KLF15: variants seen among roughly 807,000 people sequenced by gnomAD.
The protein encoded by KLF15 is KLF transcription factor 15.
In KLF15, 4 loss-of-function variants were observed where a neutral mutation model predicts 24.6. That is an observed-to-expected ratio of 0.16 (90% CI 0.08 to 0.37). The LOEUF (loss-of-function observed/expected upper bound fraction) is 0.37, where lower values mean the gene tolerates loss of function less well. Among genes scored for constraint, KLF15 ranks in the 10% least tolerant of loss-of-function variants. KLF15 has a pLI of 1.00. For synonymous variants in KLF15, 246 were observed against 236.3 expected, an observed-to-expected ratio of 1.04 and a Z score of -0.37; for missense variants, 496 against 560.6, an observed-to-expected ratio of 0.88 and a Z score of 1.16.
chr3:126,314,706 C>T, the KLF15 span, among the ~76,000 whole-genome samples: 1 of 152,240 alleles, frequency 6.6e-6, no homozygotes, highest in Non-Finnish European at 1.5e-5. Context: ...TGGGGCAGAA[C>T]AGAGGCGAAG....
At chr3:126,297,006 T>C in the KLF15 span, among the ~76,000 whole-genome samples, 3 of 152,224 alleles carry the variant, frequency 2.0e-5, no homozygotes, top group Non-Finnish European at 4.4e-5. Flanking sequence ...AACTCTGGGC[T>C]GAAGCAATCC....
At chr3:126,330,329 G>T in the KLF15 span, among the ~76,000 whole-genome samples, 1 of 152,204 alleles carries the variant, frequency 6.6e-6, no homozygotes, top group East Asian at 1.9e-4. Flanking sequence ...GAGGTGGGCT[G>T]TCAATTACAC....
chr3:126,337,631 T>TA, the KLF15 span, among the ~76,000 whole-genome samples: 1 of 152,106 alleles, frequency 6.6e-6, no homozygotes, highest in African/African-American at 2.4e-5. Context: ...AAATGTCTTA[T>TA]TAAGTTTCCT....
the KLF15 span, among the ~76,000 whole-genome samples, chr3:126,313,117 A>T: frequency 1.3e-5 from 2 of 152,178 alleles, no homozygotes; most frequent in East Asian, 3.8e-4. Flanking sequence ...GTAGCCCTTA[A>T]TCCAACCTGA....
At chr3:126,355,468 A>C (rs2107560042) in intron 1 of KLF15, among the ~76,000 whole-genome samples, 1 of 152,158 alleles carries the variant, frequency 6.6e-6, no homozygotes, top group East Asian at 2.0e-4. Flanking sequence ...CTCTTCCCCC[A>C]GCACTGCAGG....
At chr3:126,315,064 C>T in the KLF15 span, among the ~76,000 whole-genome samples, 1 of 152,080 alleles carries the variant, frequency 6.6e-6, no homozygotes, top group African/African-American at 2.4e-5. Flanking sequence ...CTGGCTCCTG[C>T]TATTTGCTGC....
At chr3:126,306,535 C>A in the KLF15 span, among the ~76,000 whole-genome samples, 2 of 152,236 alleles carry the variant, frequency 1.3e-5, no homozygotes, top group African/African-American at 4.8e-5. Flanking sequence ...ACCTTGGCCT[C>A]TGACTTTGGC....
the KLF15 span, among the ~76,000 whole-genome samples, chr3:126,308,319 G>A: frequency 6.6e-6 from 1 of 152,190 alleles, no homozygotes; most frequent in African/African-American, 2.4e-5. Flanking sequence ...GACCCAAGAT[G>A]GGGAGGCAGG....
the KLF15 span, among the ~76,000 whole-genome samples, chr3:126,321,590 C>T: frequency 1.3e-5 from 2 of 152,272 alleles, no homozygotes; most frequent in Admixed American, 1.3e-4. Context: ...CCATGCCCCT[C>T]ATGACCTCTG....
downstream of KLF15, among the ~76,000 whole-genome samples, chr3:126,338,219 A>C (rs7641969): frequency 0.69 from 105,428 of 152,090 alleles, 36,954 homozygotes; most frequent in African/African-American, 0.8. Context: ...GGCTTTGCCA[A>C]CCAGCCCAAG....
chr3:126,336,501 G>A, the KLF15 span, among the ~76,000 whole-genome samples: 2 of 71,036 alleles, frequency 2.8e-5, 1 homozygote, highest in Non-Finnish European at 5.3e-5. Flanking sequence ...TTACCATTCA[G>A]AACATAGGCA....
At chr3:126,304,412 C>T in the KLF15 span, among the ~76,000 whole-genome samples, 1 of 152,178 alleles carries the variant, frequency 6.6e-6, no homozygotes, top group Non-Finnish European at 1.5e-5. Context: ...TGAGCTGTAT[C>T]AGCCCCAGGC....
At chr3:126,335,940 A>G in the KLF15 span, among the ~76,000 whole-genome samples, 3 of 149,350 alleles carry the variant, frequency 2.0e-5, no homozygotes, top group Non-Finnish European at 4.4e-5. Flanking sequence ...CAAACAAATG[A>G]AAGAACATTC....
At chr3:126,315,188 A>T in the KLF15 span, among the ~76,000 whole-genome samples, 15 of 151,900 alleles carry the variant, frequency 9.9e-5, no homozygotes, top group African/African-American at 3.1e-4. Flanking sequence ...TTATAAGGAC[A>T]CCAGTCATAT....
At chr3:126,310,984 C>T in the KLF15 span, among the ~76,000 whole-genome samples, 2 of 152,202 alleles carry the variant, frequency 1.3e-5, no homozygotes, top group East Asian at 3.9e-4. Flanking sequence ...CCGCGGCCCA[C>T]TCTGGAGGCT....
At chr3:126,316,007 A>T in the KLF15 span, among the ~76,000 whole-genome samples, 1 of 152,214 alleles carries the variant, frequency 6.6e-6, no homozygotes, top group South Asian at 2.1e-4. Context: ...CGCACTCTAG[A>T]GTCAAATCCC....
At chr3:126,324,634 C>T in the KLF15 span, among the ~76,000 whole-genome samples, 7 of 140,664 alleles carry the variant, frequency 5.0e-5, no homozygotes, top group African/African-American at 1.6e-4. Flanking sequence ...GATAGCCTTT[C>T]GTGATCACTT....
At chr3:126,347,225 G>A (rs147908083) in intron 2 of KLF15, among the ~76,000 whole-genome samples, 1 of 152,234 alleles carries the variant, frequency 6.6e-6, no homozygotes, top group African/African-American at 2.4e-5. Context: ...ACCCTCATCC[G>A]CCAGACAACA....
chr3:126,323,436 ACATATATATGTTATATATATATAT>A, the KLF15 span, among the ~76,000 whole-genome samples: 1 of 54,652 alleles, frequency 1.8e-5, no homozygotes, highest in South Asian at 4.8e-4. Context: ...TATATATATA[ACATATATATGTTATATATATATAT>A]AACATATATA....
Sources: gnomAD v4.1 joint callset for allele counts (sites outside exome capture counted in the v4.1 genomes callset) on GRCh38, gnomAD v4.1.1 for gene constraint, MANE v1.5 for transcripts, NCBI Gene and HGNC (gene_info 2026-07-23, HGNC 2026-07-21) for gene names.